Variants in RPAP2 observed in about 807,000 individuals in gnomAD.
The protein encoded by RPAP2 is putative RNA polymerase II subunit B1 CTD phosphatase RPAP2.
Under a neutral mutation model 73.1 loss-of-function variants are expected in RPAP2, and 52 were observed. The observed-to-expected ratio is 0.71, with a 90% confidence interval of 0.57 to 0.90. RPAP2 has a LOEUF of 0.90. Among genes scored for constraint, RPAP2 ranks in the 40% least tolerant of loss-of-function variants. RPAP2 has a pLI of 0.00. For missense variants in RPAP2, 598 were observed against 701.8 expected, an observed-to-expected ratio of 0.85 and a Z score of 1.67; for synonymous variants, 225 against 242.1, an observed-to-expected ratio of 0.93 and a Z score of 0.65.
chr1:92,327,904 C>T (rs868639437), intron 8 of RPAP2, among the ~76,000 whole-genome samples: 3 of 152,282 alleles, frequency 2.0e-5, no homozygotes, highest in Middle Eastern at 3.4e-3. Flanking sequence ...ATCTTTCCTT[C>T]ATTTATGAAC....
Position 92,397,525 on chromosome 1 carries a change from A to T in RPAP2, c.*10514A>T, listed in dbSNP as rs1656214571. 1 of 152,186 alleles carries T rather than the reference A, an allele frequency of 6.6e-6. No individual in the cohort carries two copies. Among genetic ancestry groups the T allele is most frequent in the African/African-American group, 2.4e-5 (1 of 41,446 alleles). 9.4% of individuals were successfully genotyped at this position (152,186 alleles called of 1,614,324 possible). ...TCAGGTGAGGAGCCAGTAGCTCAGTATAGAAACTAAGGATCCAAGTGGACA... is the reference window on the plus strand; with the variant it reads ...TCAGGTGAGGAGCCAGTAGCTCAGTTTAGAAACTAAGGATCCAAGTGGACA... On this transcript the variant is annotated 3_prime_UTR_variant, in exon 13 of 13. Transcript: ENST00000610020.
intron 6 of RPAP2, among the ~76,000 whole-genome samples, chr1:92,315,646 A>T (rs1651861239): frequency 6.6e-6 from 1 of 152,246 alleles, no homozygotes; most frequent in African/African-American, 2.4e-5. Context: ...TATCACAGTA[A>T]GCTCACTACC....
At chr1:92,353,172 T>C (rs961938333) in intron 11 of RPAP2, among the ~76,000 whole-genome samples, 5 of 152,350 alleles carry the variant, frequency 3.3e-5, no homozygotes, top group African/African-American at 1.2e-4. Context: ...GATTTTTTTG[T>C]GTGAGCATAT....
rs1409272786 is a variant in RPAP2, at chr1:92,333,434, A to G, written c.1499A>G (p.Gln500Arg). 2 of 1,613,768 alleles carry G rather than the reference A, an allele frequency of 1.2e-6. No homozygotes were observed. The highest frequency in any genetic ancestry group is 4.5e-5 in the East Asian group (2 of 44,814). ...CTGATAGACTCAAGTTCCCAGAACC[A>G]GATTAGAAAACGCATCGTACTTGAA... is the stretch of plus-strand genomic sequence containing the variant. The part of the protein sequence containing the change: ...FPLIDSSSQN[Q>R]IRKRIVLEKL... Residue 500 changes from glutamine to arginine, a missense_variant, in exon 9 of 13, where the codon CAG becomes CGG. Around this residue, in one of 3 missense-constraint regions of RPAP2, gnomAD observed 506 missense variants for 612.8 expected, o/e 0.83. Transcript: ENST00000610020.
chr1:92,347,157 C>T (rs1205588320), intron 11 of RPAP2, among the ~76,000 whole-genome samples: 1 of 152,176 alleles, frequency 6.6e-6, no homozygotes, highest in Non-Finnish European at 1.5e-5. Context: ...AATAACTTTA[C>T]TTGAATGCCC....
At chr1:92,313,695 C>T (rs1651730104) in intron 6 of RPAP2, among the ~76,000 whole-genome samples, 2 of 152,200 alleles carry the variant, frequency 1.3e-5, no homozygotes, top group East Asian at 1.9e-4. Context: ...TTTGATGCCA[C>T]ATATTTACTT....
At chr1:92,334,064 A>C (rs1369591647) in intron 9 of RPAP2, among the ~76,000 whole-genome samples, 1 of 151,990 alleles carries the variant, frequency 6.6e-6, no homozygotes, top group South Asian at 2.1e-4. Flanking sequence ...TTTTTCCCAG[A>C]GGTATGAGGG....
intron 5 of RPAP2, among the ~76,000 whole-genome samples, chr1:92,306,981 A>T (rs1411469966): frequency 6.6e-6 from 1 of 152,174 alleles, no homozygotes; most frequent in African/African-American, 2.4e-5. Context: ...GGTAGTGGTT[A>T]CTTCTGGGGA....
intron 11 of RPAP2, among the ~76,000 whole-genome samples, chr1:92,346,937 C>T (rs1653932897): frequency 6.6e-6 from 1 of 152,168 alleles, no homozygotes; most frequent in South Asian, 2.1e-4. Context: ...ACCAGACACT[C>T]ACAGGTCAAA....
In RPAP2 at chr1:92,301,496, C is replaced by T. The variant is rs1571011589; in HGVS notation, c.140C>T (p.Ala47Val). 2 of 1,587,578 alleles carry T rather than the reference C, an allele frequency of 1.3e-6. No homozygotes were observed. The highest frequency in any genetic ancestry group is 1.7e-6 in the Non-Finnish European group (2 of 1,168,544). The change falls in exon 3 of 13, where the codon GCT (alanine) becomes GTT (valine). Residue 47 changes from alanine to valine, a missense_variant. By Grantham distance (64) the Ala-to-Val change is moderately conservative. Transcript: ENST00000610020. ...ASKRKAELEA[A>V]VRKKIEFERK... ...TTTAGGAAAGCTGAACTAGAAGCAGCTGTGAGAAAGAAGATTGAATTTGAG... is the reference window on the plus strand; with the variant it reads ...TTTAGGAAAGCTGAACTAGAAGCAGTTGTGAGAAAGAAGATTGAATTTGAG...
chr1:92,305,432 C>CAAAAAAAAAAAAAAAAAAAAA (rs71091273), intron 5 of RPAP2, among the ~76,000 whole-genome samples: 41 of 52,668 alleles, frequency 7.8e-4, no homozygotes, highest in East Asian at 2.7e-3. Flanking sequence ...GGCTCCGTCT[C>CAAAAAAAAAAAAAAAAAAAAA]AAAAAAAAAA....
At chr1:92,312,751 T>C (rs1269480657) in intron 6 of RPAP2, among the ~76,000 whole-genome samples, 2 of 152,138 alleles carry the variant, frequency 1.3e-5, no homozygotes, top group Non-Finnish European at 2.9e-5. Flanking sequence ...TACAATCAAC[T>C]TCTTCCAAGC....
intron 11 of RPAP2, among the ~76,000 whole-genome samples, chr1:92,355,227 G>A (rs916544280): frequency 2.6e-5 from 4 of 151,554 alleles, no homozygotes; most frequent in African/African-American, 9.7e-5. Flanking sequence ...ACTATACAAG[G>A]GTCTCTTGAA....
intron 11 of RPAP2, among the ~76,000 whole-genome samples, chr1:92,361,081 T>TATATATATATA (rs1654709526): frequency 1.4e-5 from 2 of 138,322 alleles, no homozygotes; most frequent in African/African-American, 5.4e-5. Context: ...AAAAAGCATA[T>TATATATATATA]ATATATATAT....
chr1:92,354,047 G>T (rs1654341708), intron 11 of RPAP2, among the ~76,000 whole-genome samples: 1 of 152,092 alleles, frequency 6.6e-6, no homozygotes, highest in African/African-American at 2.4e-5. Flanking sequence ...TGAGCAAAAA[G>T]ATGTGCACTC....
intron 11 of RPAP2, among the ~76,000 whole-genome samples, chr1:92,347,120 C>T (rs2101314568): frequency 6.6e-6 from 1 of 152,336 alleles, no homozygotes; most frequent in African/African-American, 2.4e-5. Flanking sequence ...ATGCAACTCA[C>T]ATGATTCATT....
chr1:92,324,122 C>T lies in RPAP2; in HGVS notation c.1202C>T (p.Ser401Phe), dbSNP rs762860037. ...TCTGTGTGTCTGAAACCCGAAGCCT[C>T]TCTGGTTAAAGAAGAACTTGATGAA... ...YASVCLKPEA[S>F]LVKEELDEDD... The change falls in exon 8 of 13, where the codon TCT becomes TTT. Residue 401 changes from serine (S) to phenylalanine (F), a missense_variant. Ser to Phe is a radical substitution (Grantham distance 155). Around this residue, in one of 3 missense-constraint regions of RPAP2, gnomAD observed 506 missense variants for 612.8 expected, o/e 0.83. Transcript: ENST00000610020. 4.8e-5 allele frequency: 77 copies of T among 1,614,002 alleles called. No individual in the cohort carries two copies. The highest frequency in any genetic ancestry group is 6.4e-5 in the Non-Finnish European group (75 of 1,180,002).
Position 92,401,811 on chromosome 1 carries a change from C to T in RPAP2, c.*14800C>T, listed in dbSNP as rs1656323753. On this transcript the variant is annotated 3_prime_UTR_variant, in exon 13 of 13. Transcript: ENST00000610020. ...GGAGATGATCCAAGTTTTTTTCCTC[C>T]TTATTTCTGCTAAGGTTGTATAATT... The T allele has an allele frequency of 6.6e-6, 1 of 152,104 alleles. No individual in the cohort carries two copies. The highest frequency in any genetic ancestry group is 2.4e-5 in the African/African-American group (1 of 41,424). The allele number at this position is 152,104 out of a possible 1,614,324, so 9.4% of individuals were successfully genotyped here.
At chr1:92,384,866 T>C (rs1655798730) in intron 12 of RPAP2, among the ~76,000 whole-genome samples, 1 of 152,038 alleles carries the variant, frequency 6.6e-6, no homozygotes. Context: ...GACAGGTGTC[T>C]TGGCTGGGTG....
Sources: gnomAD v4.1 joint callset for allele counts (sites outside exome capture counted in the v4.1 genomes callset) on GRCh38, gnomAD v4.1.1 for gene constraint, gnomAD v4.1.1 regional missense constraint, MANE v1.5 for transcripts, NCBI Gene and HGNC (gene_info 2026-07-23, HGNC 2026-07-21) for gene names.